The following HBS1L variants were observed in gnomAD, a reference collection of about 807,000 sequenced individuals.
HBS1L encodes HBS1-like protein.
A neutral mutation model predicts 88.9 loss-of-function variants in HBS1L; 55 were observed. That is an observed-to-expected ratio of 0.62 (90% CI 0.50 to 0.77). The LOEUF is 0.77. HBS1L is among the 30% of genes least tolerant of loss of function. The pLI is 0.00. For synonymous variants in HBS1L, 267 were observed against 288.5 expected (o/e 0.93, Z 0.76); for missense variants, 741 against 829.3 (o/e 0.89, Z 1.31).
At chr6:135,002,711 G>A in intron 5 of HBS1L, 23 bp downstream of exon 5, 1 of 1,391,848 alleles carries the variant, frequency 7.2e-7, no homozygotes, top group Non-Finnish European at 1.0e-6. Context: ...GGGTGGGGAT[G>A]AGGGAGGTAC....
chr6:134,981,789 T>C (rs1001677009), intron 13 of HBS1L, among the ~76,000 whole-genome samples: 9 of 152,070 alleles, frequency 5.9e-5, no homozygotes, highest in Non-Finnish European at 1.2e-4. Flanking sequence ...ATAATATACA[T>C]GTACATGTAA....
intron 4 of HBS1L, among the ~76,000 whole-genome samples, chr6:135,024,266 C>T (rs574240712): frequency 4.6e-5 from 7 of 151,998 alleles, no homozygotes; most frequent in South Asian, 2.1e-4. Flanking sequence ...TGGTGAAACC[C>T]TGTCTCTACT....
chr6:135,042,250 G>T, intron 2 of HBS1L, 124 bp from the exon 3 acceptor site: 1 of 796,646 alleles, frequency 1.3e-6, no homozygotes, highest in Non-Finnish European at 1.9e-6. Context: ...TATTTCATAA[G>T]GGATGAAAAC....
intron 13 of HBS1L, 175 bp downstream of exon 13, chr6:134,982,282 GA>G (rs575777117): frequency 2.7e-4 from 156 of 567,704 alleles, no homozygotes; most frequent in Non-Finnish European, 4.1e-4. Flanking sequence ...AATCACAACA[GA>G]AAAAAATCGT....
intron 2 of HBS1L, among the ~76,000 whole-genome samples, chr6:135,049,752 A>C (rs535887328): frequency 6.6e-6 from 1 of 152,246 alleles, no homozygotes; most frequent in Admixed American, 6.5e-5. Context: ...TTGTATTTTT[A>C]GTAGAGACGG....
chr6:134,997,117 A>T (rs536074261), intron 6 of HBS1L, among the ~76,000 whole-genome samples, 175 bp from the exon 7 acceptor site: 1 of 152,282 alleles, frequency 6.6e-6, no homozygotes, highest in African/African-American at 2.4e-5. Context: ...CTCTTTACAG[A>T]CGGGGGGAAT....
At chr6:135,036,971 T>C (rs1397528237) in intron 4 of HBS1L, 1 of 1,551,494 alleles carries the variant, frequency 6.4e-7, no homozygotes. Context: ...GGGTTTTTTA[T>C]AAGGACACTA....
At chr6:134,997,837 A>G (rs1406014593) in intron 5 of HBS1L, among the ~76,000 whole-genome samples, 181 bp from the exon 6 acceptor site, 2 of 152,190 alleles carry the variant, frequency 1.3e-5, no homozygotes, top group Non-Finnish European at 2.9e-5. Context: ...AAACCACACA[A>G]ATACAACCGT....
At chr6:134,990,229 CTCTTG>C (rs1775093247) in intron 8 of HBS1L, among the ~76,000 whole-genome samples, 1 of 152,166 alleles carries the variant, frequency 6.6e-6, no homozygotes, top group African/African-American at 2.4e-5. Context: ...TAGGCAATAG[CTCTTG>C]TCTTTGGGAG....
chr6:134,978,505 A>C (rs1372791670), intron 15 of HBS1L, among the ~76,000 whole-genome samples, 174 bp downstream of exon 15: 1 of 151,996 alleles, frequency 6.6e-6, no homozygotes, highest in Admixed American at 6.6e-5. Flanking sequence ...CAAAGATCAA[A>C]ATAAAAAACA....
At chr6:135,004,457 G>C (rs1775553283) in intron 4 of HBS1L, among the ~76,000 whole-genome samples, 1 of 151,972 alleles carries the variant, frequency 6.6e-6, no homozygotes, top group African/African-American at 2.4e-5. Flanking sequence ...AGCAGAAAGA[G>C]AAGCTTGTAT....
rs1774317303 is a variant in HBS1L at position 134,966,437 on chromosome 6, T to C, written c.1935A>G (p.Leu645=). 1 of 1,610,428 alleles carries C rather than the reference T, an allele frequency of 6.2e-7. No homozygotes were observed. Among genetic ancestry groups the C allele is most frequent in the Non-Finnish European group, 8.5e-7 (1 of 1,178,292 alleles). The change falls in exon 17 of 18, where the codon CTA becomes CTG. Residue 645 remains leucine, a synonymous_variant. Coordinates refer to ENST00000367837, the MANE Select transcript of HBS1L (RefSeq NM_006620.4). Reference sequence around the variant, plus strand: ...CAAGAGCTATTGGTCTTTGTGTCTGTAGCTCTACCAATGCATTCTGGCCTT... The same window carrying C: ...CAAGAGCTATTGGTCTTTGTGTCTGCAGCTCTACCAATGCATTCTGGCCTT... ...LTKGQNALVE[L]QTQRPIALEL... is the part of the protein sequence containing the mutation.
chr6:134,999,775 T>C (rs1301293727), intron 5 of HBS1L, among the ~76,000 whole-genome samples: 1 of 152,118 alleles, frequency 6.6e-6, no homozygotes, highest in Non-Finnish European at 1.5e-5. Flanking sequence ...AGGTAAACTG[T>C]AAATTAATTC....
chr6:134,977,626 A>T (rs1774686836), intron 15 of HBS1L, among the ~76,000 whole-genome samples: 1 of 152,070 alleles, frequency 6.6e-6, no homozygotes, highest in African/African-American at 2.4e-5. Context: ...ATTATAAAGT[A>T]CAAGGTTATC....
chr6:134,978,815 G>T, intron 14 of HBS1L, 28 bp from the exon 15 acceptor site: 1 of 1,337,134 alleles, frequency 7.5e-7, no homozygotes, highest in Non-Finnish European at 1.1e-6. Flanking sequence ...AAAGAGGAAA[G>T]GTAATTGGGG....
At chr6:134,973,885 G>C (rs1774566452) in intron 15 of HBS1L, among the ~76,000 whole-genome samples, 1 of 151,564 alleles carries the variant, frequency 6.6e-6, no homozygotes, top group Admixed American at 6.6e-5. Context: ...ACATTGTGGA[G>C]GTACTTAATG....
At chr6:135,033,463 A>G (rs1255106786) in intron 4 of HBS1L, among the ~76,000 whole-genome samples, 1 of 152,136 alleles carries the variant, frequency 6.6e-6, no homozygotes, top group Admixed American at 6.5e-5. Flanking sequence ...TCTCAAAGAG[A>G]CTGTGACATT....
At chr6:135,053,030 A>G (rs1025656335) in intron 1 of HBS1L, among the ~76,000 whole-genome samples, 10 of 152,228 alleles carry the variant, frequency 6.6e-5, no homozygotes, top group Admixed American at 5.2e-4. Context: ...ATAAACAAGA[A>G]AAGGGGATGA....
chr6:135,017,265 T>TA (rs1357986362), intron 4 of HBS1L, among the ~76,000 whole-genome samples: 2 of 152,156 alleles, frequency 1.3e-5, no homozygotes, highest in Admixed American at 6.5e-5. Flanking sequence ...TGACATCAAA[T>TA]GCAAGATGTT....
Sources: gnomAD v4.1 joint callset for allele counts (sites outside exome capture counted in the v4.1 genomes callset) on GRCh38, gnomAD v4.1.1 for gene constraint, MANE v1.5 for transcripts, NCBI Gene and HGNC (gene_info 2026-07-23, HGNC 2026-07-21) for gene names.